DOCK7: variants seen among roughly 807,000 people sequenced by gnomAD.
DOCK7 encodes dedicator of cytokinesis protein 7.
A neutral mutation model predicts 271.0 loss-of-function variants in DOCK7; 138 were observed. The ratio of observed to expected loss-of-function variants is 0.51; its 90% confidence interval spans 0.44 to 0.59. The LOEUF (loss-of-function observed/expected upper bound fraction) is 0.59, where lower values mean the gene tolerates loss of function less well. Among genes scored for constraint, DOCK7 ranks in the 20% least tolerant of loss-of-function variants. DOCK7 has a pLI of 0.00. For missense variants in DOCK7, 2,066 were observed against 2,592.4 expected (o/e 0.80, Z 4.41); for synonymous variants, 823 against 876.1 (o/e 0.94, Z 1.07).
intron 33 of DOCK7, among the ~76,000 whole-genome samples, chr1:62,512,424 C>CA (rs1644514375): frequency 6.6e-6 from 1 of 152,044 alleles, no homozygotes; most frequent in Admixed American, 6.6e-5. Context: ...AAAACAATCA[C>CA]AAATTTATAA....
Position 62,513,556 on chromosome 1 carries a change from T to C in DOCK7, c.4170A>G (p.Lys1390=), listed in dbSNP as rs1557650952. The C allele has an allele frequency of 6.2e-7, 1 of 1,614,134 alleles. No individual in the cohort carries two copies. Among genetic ancestry groups the C allele is most frequent in the African/African-American group, 1.3e-5 (1 of 75,072 alleles). The change falls in exon 33 of 50, where the codon AAA becomes AAG. Residue 1390 remains lysine (K), a synonymous_variant. Transcript: ENST00000635253. ...CTTCTTCAAGCTTTGCTCTCATGTC[T>C]TTTGATTTCTTAAAGGTCAAGCTAT... ...RMNSLTFKKS[K]DMRAKLEEAI...
rs754119977 is a variant in DOCK7, at chr1:62,583,218, T to C, written c.1837A>G (p.Lys613Glu). 6.2e-7 allele frequency: 1 copy of C among 1,613,520 alleles called. No homozygotes were observed. The highest frequency in any genetic ancestry group is 1.3e-5 in the African/African-American group (1 of 75,044). ...FGKSSCSEFS[K>E]EAYTAVVYHN... is the part of the protein sequence containing the mutation. ...TATACTACGGCTGTATAGGCTTCCT[T>C]TGAAAATTCTGAACAGCTAGATTTA... The change falls in exon 16 of 50, where the codon AAG becomes GAG. Residue 613 changes from lysine (K) to glutamate (E), a missense_variant. Around this residue, in one of 2 missense-constraint regions of DOCK7, gnomAD observed 1,414 missense variants for 1,670.4 expected, o/e 0.85. Transcript: ENST00000635253.
intron 16 of DOCK7, among the ~76,000 whole-genome samples, chr1:62,580,737 A>G (rs1458520523): frequency 2.0e-5 from 3 of 152,198 alleles, no homozygotes; most frequent in South Asian, 2.1e-4. Context: ...ACACATATAT[A>G]TCAATAGCTA....
At chr1:62,542,365 G>A (rs557731379) in intron 25 of DOCK7, among the ~76,000 whole-genome samples, 1 of 152,140 alleles carries the variant, frequency 6.6e-6, no homozygotes, top group South Asian at 2.1e-4. Context: ...AATATAGCTA[G>A]CTTATGCAAC....
chr1:62,678,937 T>C (rs1467352074), intron 1 of DOCK7, among the ~76,000 whole-genome samples: 1 of 152,160 alleles, frequency 6.6e-6, no homozygotes, highest in African/African-American at 2.4e-5. Flanking sequence ...ACATGATAGA[T>C]ACCCCATTTA....
At position 62,531,796 on chromosome 1, in the gene DOCK7, A is replaced by C. The variant is rs982871548; in HGVS notation, c.3612-2350T>G. ...CAGTAAAATTTAAAGATGAGATATG[A>C]GTTTCTTACAGTTAATCCTTCATTC... On this transcript the variant is annotated intron_variant, in intron 29 of 49. Coordinates refer to ENST00000635253, the MANE Select transcript of DOCK7 (RefSeq NM_001367561.1). 3.3e-5 allele frequency among the ~76,000 whole-genome samples: 5 copies of C among 152,306 alleles called. No individual in the cohort carries two copies. The East Asian group carries it at 9.6e-4, about 29-fold the overall frequency.
At chr1:62,527,849 C>T (rs1645057913) in intron 31 of DOCK7, among the ~76,000 whole-genome samples, 1 of 135,242 alleles carries the variant, frequency 7.4e-6, no homozygotes, top group East Asian at 2.2e-4. Context: ...GCATGTTGTG[C>T]ACATGTACCC....
At chr1:62,601,174 A>G (rs1650062125) in intron 14 of DOCK7, 1 of 1,607,666 alleles carries the variant, frequency 6.2e-7, no homozygotes, top group African/African-American at 1.3e-5. Flanking sequence ...AGTTGAATGA[A>G]ATAAGAAATG....
intron 12 of DOCK7, among the ~76,000 whole-genome samples, chr1:62,623,954 A>G (rs1653603879): frequency 6.6e-6 from 1 of 152,182 alleles, no homozygotes; most frequent in South Asian, 2.1e-4. Context: ...AAGTTATGAG[A>G]TATCAGTAAG....
chr1:62,619,817 A>AC lies in DOCK7; in HGVS notation c.1519+82_1519+83insG. On this transcript the variant is annotated intron_variant, in intron 13 of 49. Coordinates refer to ENST00000635253, the MANE Select transcript of DOCK7 (RefSeq NM_001367561.1). ...AAATGTCTGGGCCAGATAAATAAAA[A>AC]AAAAAGATACATAATTATAAGCAAT... 3.4e-6 allele frequency: 3 copies of AC among 869,866 alleles called. No homozygotes were observed. In the South Asian group the frequency reaches 5.8e-5, roughly 17 times the overall value. The allele number at this position is 869,866 out of a possible 1,614,324, so 53.9% of individuals were successfully genotyped here.
Position 62,557,556 on chromosome 1 carries a change from A to G in DOCK7, c.2431+1433T>C, listed in dbSNP as rs1042609188. Among the ~76,000 whole-genome samples, 32 of 147,808 alleles carry G rather than the reference A, an allele frequency of 2.2e-4. 1 individual carries two copies. The Middle Eastern group carries it at 0.014, about 63-fold the overall frequency. On this transcript the variant is annotated intron_variant, in intron 20 of 49. Coordinates refer to ENST00000635253, the MANE Select transcript of DOCK7 (RefSeq NM_001367561.1). The stretch of plus-strand genomic sequence containing the variant: ...CTTAATTCCCTGTAATCTGGCTTCT[A>G]CCTTCACTTAGACTAAAATTACTGA...
At chr1:62,656,813 G>A (rs910446975) in intron 2 of DOCK7, among the ~76,000 whole-genome samples, 1 of 151,878 alleles carries the variant, frequency 6.6e-6, no homozygotes, top group Non-Finnish European at 1.5e-5. Context: ...GGGGGGTGGG[G>A]AGCCTATTTT....
In DOCK7 at chr1:62,529,548, G is replaced by A. The variant is rs878871469; in HGVS notation, c.3612-102C>T. The stretch of plus-strand genomic sequence containing the variant: ...TAAGTCATGGTATTGAATAAATTTT[G>A]TTCAATTTCTTACCTTTGTCATATA... On this transcript the variant is annotated intron_variant, in intron 29 of 49. Coordinates refer to ENST00000635253, the MANE Select transcript of DOCK7 (RefSeq NM_001367561.1). 25 of 872,558 alleles carry A rather than the reference G, an allele frequency of 2.9e-5. No individual in the cohort carries two copies. In the South Asian group the frequency reaches 9.0e-4, roughly 31 times the overall value. The allele number at this position is 872,558 out of a possible 1,614,324, so 54.1% of individuals were successfully genotyped here. A position where few individuals can be genotyped will look rare whatever the true frequency, so the allele number is the denominator to read the frequency against.
At chr1:62,581,726 C>A (rs1289638614) in intron 16 of DOCK7, among the ~76,000 whole-genome samples, 1 of 151,310 alleles carries the variant, frequency 6.6e-6, no homozygotes. Flanking sequence ...ATGCCTTACA[C>A]TTACGGGAAA....
At position 62,654,178 on chromosome 1, in the gene DOCK7, TA is replaced by T. The variant is rs1467044957; in HGVS notation, c.145-20del. 1 of 1,599,798 alleles carries T rather than the reference TA, an allele frequency of 6.3e-7. No homozygotes were observed. The highest frequency in any genetic ancestry group is 8.5e-7 in the Non-Finnish European group (1 of 1,172,624). On this transcript the variant is annotated intron_variant, in intron 2 of 49. Coordinates refer to ENST00000635253, the MANE Select transcript of DOCK7 (RefSeq NM_001367561.1). ...GGGGCACCTTTGTAAAAAGTTGGGA[TA>T]AGAGATGGGTAGAAAACAAGAGGTG...
In DOCK7 at chr1:62,524,734, C is replaced by T. The variant is rs1484213903; in HGVS notation, c.3936+3417G>A. On this transcript the variant is annotated intron_variant, in intron 31 of 49. Transcript: ENST00000635253. ...CCAACATAGTGAAACCCCATCTCTA[C>T]TAAAAATACAAAAATTAGCCAGGCA... Among the ~76,000 whole-genome samples, 5 of 151,370 alleles carry T rather than the reference C, an allele frequency of 3.3e-5. No individual in the cohort carries two copies. In the South Asian group the frequency reaches 8.4e-4, roughly 25 times the overall value.
intron 14 of DOCK7, among the ~76,000 whole-genome samples, chr1:62,595,944 A>G (rs1213289644): frequency 6.6e-6 from 1 of 152,118 alleles, no homozygotes; most frequent in Non-Finnish European, 1.5e-5. Context: ...AAGAAAAGAA[A>G]TTTGGAAATG....
intron 31 of DOCK7, among the ~76,000 whole-genome samples, chr1:62,520,087 T>C (rs962085076): frequency 1.2e-4 from 19 of 152,158 alleles, no homozygotes; most frequent in Non-Finnish European, 1.8e-4. Flanking sequence ...TTATACCTTA[T>C]ACAAAAATTA....
chr1:62,617,311 T>G (rs774825129), intron 14 of DOCK7, among the ~76,000 whole-genome samples: 72 of 152,000 alleles, frequency 4.7e-4, no homozygotes, highest in Non-Finnish European at 6.2e-4. Context: ...TCTTATAGAC[T>G]GTTAGAAAAA....
Sources: gnomAD v4.1 joint callset for allele counts (sites outside exome capture counted in the v4.1 genomes callset) on GRCh38, gnomAD v4.1.1 for gene constraint, gnomAD v4.1.1 regional missense constraint, MANE v1.5 for transcripts, NCBI Gene and HGNC (gene_info 2026-07-23, HGNC 2026-07-21) for gene names.